Variants in TTC29 observed in about 807,000 individuals in gnomAD.
TTC29 encodes tetratricopeptide repeat domain 29.
A neutral mutation model predicts 58.1 loss-of-function variants in TTC29; 49 were observed. The observed-to-expected ratio is 0.84, with a 90% CI of 0.67 to 1.07. The LOEUF (loss-of-function observed/expected upper bound fraction) is 1.07, where lower values mean the gene tolerates loss of function less well. Among genes scored for constraint, TTC29 ranks in the 50% least tolerant of loss-of-function variants. The probability of loss-of-function intolerance (pLI) is 0.00; values close to 1 mark genes in which losing one functional copy is unlikely to be tolerated. For synonymous variants in TTC29, 209 were observed against 196.8 expected (o/e 1.06, Z -0.52); for missense variants, 582 against 555.6 (o/e 1.05, Z -0.48).
At chr4:146,935,265 T>C (rs1445904375) in intron 4 of TTC29, among the ~76,000 whole-genome samples, 7 of 152,052 alleles carry the variant, frequency 4.6e-5, no homozygotes, top group Admixed American at 4.6e-4. Context: ...TTGGGGTACA[T>C]GATGAGAGGT....
rs753660782 is a variant in TTC29 at position 146,820,133 on chromosome 4, T to C, written c.1093A>G (p.Asn365Asp). 6.2e-7 allele frequency: 1 copy of C among 1,612,898 alleles called. No individual in the cohort carries two copies. Among genetic ancestry groups the C allele is most frequent in the Non-Finnish European group, 8.5e-7 (1 of 1,179,754 alleles). The change falls in exon 10 of 13, where the codon AAT (asparagine) becomes GAT (aspartate). Residue 365 changes from asparagine to aspartate, a missense_variant. Transcript: ENST00000325106. ...RASTMLGDIYNEKGYYNKASE... is the reference protein window; with the variant it reads ...RASTMLGDIYDEKGYYNKASE... ...GAAACACATAGACTCACTTTTTCAT[T>C]GTAGATGTCCCCAAGCATTGTACTT...
chr4:146,716,607 G>A (rs144463246), intron 11 of TTC29, among the ~76,000 whole-genome samples: 2,139 of 152,086 alleles, frequency 0.014, 32 homozygotes, highest in Middle Eastern at 0.031. Flanking sequence ...GAATGTTTTC[G>A]TAAAAATTGA....
intron 7 of TTC29, among the ~76,000 whole-genome samples, chr4:146,868,598 G>A (rs890174377): frequency 9.2e-5 from 14 of 151,902 alleles, no homozygotes; most frequent in Non-Finnish European, 1.8e-4. Context: ...AGCAAAATGC[G>A]TAAAGATACA....
At chr4:146,711,578 T>C (rs1742495198) in intron 11 of TTC29, among the ~76,000 whole-genome samples, 1 of 152,186 alleles carries the variant, frequency 6.6e-6, no homozygotes. Context: ...ACTCAGATTA[T>C]GTTTTATGAA....
At chr4:146,758,886 G>C (rs1746657076) in intron 11 of TTC29, among the ~76,000 whole-genome samples, 2 of 151,996 alleles carry the variant, frequency 1.3e-5, no homozygotes, top group Non-Finnish European at 2.9e-5. Flanking sequence ...ACATCAAAAA[G>C]ACTGAAAGAG....
chr4:146,747,677 A>ATGC (rs1407997711), intron 11 of TTC29, among the ~76,000 whole-genome samples: 1 of 152,092 alleles, frequency 6.6e-6, no homozygotes, highest in Non-Finnish European at 1.5e-5. Context: ...AGGCCTCCAA[A>ATGC]ACACCAGAGC....
At chr4:146,857,642 G>T (rs1007513330) in intron 8 of TTC29, among the ~76,000 whole-genome samples, 1 of 152,090 alleles carries the variant, frequency 6.6e-6, no homozygotes, top group Admixed American at 6.6e-5. Context: ...AAGGGGCCAT[G>T]ATTTCCTCTC....
intron 11 of TTC29, among the ~76,000 whole-genome samples, chr4:146,723,140 C>A (rs1206828782): frequency 6.6e-6 from 1 of 151,816 alleles, no homozygotes; most frequent in Non-Finnish European, 1.5e-5. Context: ...CCCAGCTACT[C>A]GGGAGGCTGA....
rs565493802 is a variant in TTC29 at position 146,853,743 on chromosome 4, T to C, written c.885+13755A>G. Among the ~76,000 whole-genome samples the C allele has an allele frequency of 2.6e-5, 4 of 152,328 alleles. No homozygotes were observed. The South Asian group carries it at 8.3e-4, about 32-fold the overall frequency. On this transcript the variant is annotated intron_variant, in intron 8 of 12. Coordinates refer to ENST00000325106, the MANE Select transcript of TTC29 (RefSeq NM_031956.4). ...TAAAACAAAGCTATCATTTACTGAA[T>C]GCTCACTAAGTGCCAGGCACATTAC... is the stretch of plus-strand genomic sequence containing the variant.
intron 11 of TTC29, among the ~76,000 whole-genome samples, chr4:146,744,483 C>T (rs1451894220): frequency 1.3e-5 from 2 of 152,114 alleles, no homozygotes; most frequent in Non-Finnish European, 2.9e-5. Flanking sequence ...CTACAGGCTC[C>T]TCAAATATGG....
chr4:146,912,293 C>A (rs979206378), intron 4 of TTC29, among the ~76,000 whole-genome samples: 1 of 152,120 alleles, frequency 6.6e-6, no homozygotes, highest in South Asian at 2.1e-4. Flanking sequence ...ATGTAGGATG[C>A]CCAGGTACAT....
At chr4:146,717,906 A>G (rs191318933) in intron 11 of TTC29, among the ~76,000 whole-genome samples, 22 of 152,148 alleles carry the variant, frequency 1.4e-4, no homozygotes, top group Admixed American at 1.4e-3. Context: ...CATTTCCCTC[A>G]CCACTGATAA....
rs565936584 is a variant in TTC29, at chr4:146,939,456, A to T, written c.92+348T>A. 2.0e-5 allele frequency among the ~76,000 whole-genome samples: 3 copies of T among 152,286 alleles called. No individual in the cohort carries two copies. The South Asian group carries it at 6.2e-4, about 32-fold the overall frequency. ...GGTGACAGAGTAAGACTCTGCCTTAAAAAGAAAAAAGCTTTACACCTTTCA... is the reference window on the plus strand; with the variant it reads ...GGTGACAGAGTAAGACTCTGCCTTATAAAGAAAAAAGCTTTACACCTTTCA... On this transcript the variant is annotated intron_variant, in intron 3 of 12. Coordinates refer to ENST00000325106, the MANE Select transcript of TTC29 (RefSeq NM_031956.4).
In TTC29 at chr4:146,728,794, C is replaced by T. The variant is rs1043809476; in HGVS notation, c.1331-21243G>A. Among the ~76,000 whole-genome samples the T allele has an allele frequency of 2.1e-3, 257 of 119,842 alleles. 19 individuals are homozygous for T. Among genetic ancestry groups the T allele is most frequent in the Middle Eastern group, 0.014 (3 of 220 alleles). 78.6% of individuals were successfully genotyped at this position (119,842 alleles called of 152,430 possible). A position where few individuals can be genotyped will look rare whatever the true frequency, so the allele number is the denominator to read the frequency against. ...ATACACATATATATGTGTATATATA[C>T]GTATATATACACATATATATGTGTA... On this transcript the variant is annotated intron_variant, in intron 11 of 12. Coordinates refer to ENST00000325106, the MANE Select transcript of TTC29 (RefSeq NM_031956.4).
At chr4:146,762,118 C>G (rs1469477553) in intron 11 of TTC29, among the ~76,000 whole-genome samples, 1 of 151,698 alleles carries the variant, frequency 6.6e-6, no homozygotes, top group Non-Finnish European at 1.5e-5. Context: ...GTTTATTTGC[C>G]TAGTTTTATA....
At chr4:146,888,613 A>C (rs1424666380) in intron 6 of TTC29, among the ~76,000 whole-genome samples, 1 of 152,200 alleles carries the variant, frequency 6.6e-6, no homozygotes, top group Non-Finnish European at 1.5e-5. Flanking sequence ...TATCACATTT[A>C]GTTTCAAAAC....
At chr4:146,753,110 A>C (rs1746147063) in intron 11 of TTC29, among the ~76,000 whole-genome samples, 1 of 152,250 alleles carries the variant, frequency 6.6e-6, no homozygotes, top group African/African-American at 2.4e-5. Context: ...CAGAGTGAAC[A>C]GGCAACCTAC....
chr4:146,782,761 A>C (rs1456187804), intron 11 of TTC29, among the ~76,000 whole-genome samples: 2 of 152,056 alleles, frequency 1.3e-5, no homozygotes, highest in Non-Finnish European at 2.9e-5. Flanking sequence ...ATCTGTCCAA[A>C]CAATTTATTC....
chr4:146,738,274 G>A (rs1310526285), intron 11 of TTC29, among the ~76,000 whole-genome samples: 2 of 152,190 alleles, frequency 1.3e-5, no homozygotes, highest in Admixed American at 6.5e-5. Flanking sequence ...GTTATAAATG[G>A]AGAGAAATCC....
Sources: allele counts gnomAD v4.1 joint callset (sites outside exome capture counted in the v4.1 genomes callset), GRCh38; gene constraint gnomAD v4.1.1; transcripts MANE v1.5; gene names NCBI Gene and HGNC (gene_info 2026-07-23, HGNC 2026-07-21).